The following EFL1 variants were observed in gnomAD, a reference collection of about 807,000 sequenced individuals.
EFL1 encodes elongation factor-like GTPase 1.
A neutral mutation model predicts 126.7 loss-of-function variants in EFL1; 76 were observed. That is an observed-to-expected ratio of 0.60 (90% confidence interval 0.50 to 0.73). EFL1 has a LOEUF of 0.73. Ranked by LOEUF, EFL1 falls within the 30% of genes least tolerant of loss-of-function variation. The pLI is 0.00. For missense variants in EFL1, 1,128 were observed against 1,343.2 expected, an observed-to-expected ratio of 0.84 and a Z score of 2.50; for synonymous variants, 410 against 448.4, an observed-to-expected ratio of 0.91 and a Z score of 1.08.
At chr15:82,233,016 A>C (rs1486844781) in intron 7 of EFL1, among the ~76,000 whole-genome samples, 1 of 152,186 alleles carries the variant, frequency 6.6e-6, no homozygotes, top group Non-Finnish European at 1.5e-5. Context: ...GGTAAACTTA[A>C]AGATTTTTAT....
chr15:82,211,595 G>GACACACACACACAC (rs10543301), intron 15 of EFL1, among the ~76,000 whole-genome samples: 1,634 of 105,768 alleles, frequency 0.015, 125 homozygotes, highest in African/African-American at 0.053. Flanking sequence ...ACACATACTA[G>GACACACACACACAC]ACACACACAC....
intron 11 of EFL1, 110 bp downstream of exon 11, chr15:82,227,340 T>G (rs1011455226): frequency 2.6e-6 from 4 of 1,520,398 alleles, no homozygotes; most frequent in Non-Finnish European, 3.6e-6. Flanking sequence ...AAGTGGACAT[T>G]TGGCAAATTG....
intron 7 of EFL1, among the ~76,000 whole-genome samples, chr15:82,236,320 A>G (rs1213579227): frequency 1.3e-5 from 2 of 152,246 alleles, no homozygotes; most frequent in Admixed American, 6.5e-5. Flanking sequence ...TAAGATTACT[A>G]TAAAATTTAC....
chr15:82,134,476 G>A (rs775025053), intron 19 of EFL1, among the ~76,000 whole-genome samples: 1 of 151,938 alleles, frequency 6.6e-6, no homozygotes, highest in Non-Finnish European at 1.5e-5. Context: ...CTAATCATAA[G>A]AAGGCACCCA....
chr15:82,251,251 T>G (rs1329532812), intron 4 of EFL1, among the ~76,000 whole-genome samples: 1 of 152,150 alleles, frequency 6.6e-6, no homozygotes, highest in Non-Finnish European at 1.5e-5. Context: ...CAATCTGATC[T>G]GTGAGCAGCC....
At chr15:82,171,810 T>C (rs2074138292) in intron 15 of EFL1, among the ~76,000 whole-genome samples, 2 of 152,064 alleles carry the variant, frequency 1.3e-5, no homozygotes, top group Non-Finnish European at 2.9e-5. Flanking sequence ...CTCAGCATCA[T>C]GCAATACTCT....
chr15:82,197,609 G>C (rs2074421507), intron 15 of EFL1, among the ~76,000 whole-genome samples: 1 of 151,834 alleles, frequency 6.6e-6, no homozygotes, highest in Non-Finnish European at 1.5e-5. Context: ...TTTCCAACTA[G>C]AAACAACCAA....
intron 15 of EFL1, among the ~76,000 whole-genome samples, chr15:82,189,799 C>A (rs1282717099): frequency 6.6e-6 from 1 of 152,020 alleles, no homozygotes; most frequent in Non-Finnish European, 1.5e-5. Context: ...ATCTATTTTT[C>A]ATGTTTCCAG....
rs748795027 is a variant in EFL1 at position 82,238,293 on chromosome 15, G to T, written c.731+14C>A. ...AATCTGCAAAGAGATTTAATCAGAT[G>T]CAAACAGACTTACCCAAAGCCCCAC... On this transcript the variant is annotated intron_variant, in intron 7 of 19. Coordinates refer to ENST00000268206, the MANE Select transcript of EFL1 (RefSeq NM_024580.6). 48 of 1,612,176 alleles carry T rather than the reference G, an allele frequency of 3.0e-5. No homozygotes were observed. Among genetic ancestry groups the T allele is most frequent in the African/African-American group, 2.7e-4 (20 of 74,874 alleles).
intron 9 of EFL1, 138 bp downstream of exon 9, chr15:82,228,896 C>A (rs2074792075): frequency 1.4e-6 from 1 of 697,970 alleles, no homozygotes; most frequent in Non-Finnish European, 2.3e-6. Flanking sequence ...CTTCCAAGCC[C>A]TGTAATCAAC....
chr15:82,218,844 T>C (rs2074678440), intron 14 of EFL1, among the ~76,000 whole-genome samples: 2 of 152,194 alleles, frequency 1.3e-5, no homozygotes, highest in South Asian at 4.1e-4. Context: ...GAAAAACTGA[T>C]GGCAGAGACT....
At chr15:82,176,307 G>A (rs1388415245) in intron 15 of EFL1, among the ~76,000 whole-genome samples, 3 of 152,172 alleles carry the variant, frequency 2.0e-5, no homozygotes, top group Middle Eastern at 3.4e-3. Flanking sequence ...GACACAAAAA[G>A]CGTTAGTCGT....
chr15:82,180,226 C>T (rs1665318794), intron 15 of EFL1, among the ~76,000 whole-genome samples: 1 of 152,110 alleles, frequency 6.6e-6, no homozygotes. Flanking sequence ...GCCTTACTGT[C>T]TCTCTACTCA....
chr15:82,226,194 A>C (rs1421796500), intron 11 of EFL1, among the ~76,000 whole-genome samples: 2 of 152,078 alleles, frequency 1.3e-5, no homozygotes, highest in African/African-American at 4.8e-5. Flanking sequence ...TTTCAGATGG[A>C]GTCTTGTTCC....
rs772958098 is a variant in EFL1, at chr15:82,225,733, C to A, written c.1193-469G>T. 9.9e-5 allele frequency among the ~76,000 whole-genome samples: 15 copies of A among 152,128 alleles called. 1 individual carries two copies. Among genetic ancestry groups the A allele is most frequent in the Non-Finnish European group, 1.8e-4 (12 of 68,002 alleles). On this transcript the variant is annotated intron_variant, in intron 11 of 19. Transcript: ENST00000268206. ...TTAGAAAATAAAATGGACAAAAATA[C>A]TGTATTATGATATTAACAAATTCTT...
At chr15:82,239,018 C>T (rs1245516789) in intron 6 of EFL1, among the ~76,000 whole-genome samples, 1 of 152,150 alleles carries the variant, frequency 6.6e-6, no homozygotes, top group African/African-American at 2.4e-5. Context: ...GAAAATGGAA[C>T]CTATTACTCA....
intron 18 of EFL1, among the ~76,000 whole-genome samples, chr15:82,149,134 ATGG>A (rs1157775285): frequency 2.6e-5 from 4 of 152,206 alleles, no homozygotes; most frequent in Non-Finnish European, 4.4e-5. Context: ...ATGTGTTAAG[ATGG>A]TGGTGATGTG....
Position 82,157,787 on chromosome 15 carries a change from C to T in EFL1, c.1956G>A (p.Gln652=), listed in dbSNP as rs1402876056. 1 of 1,614,094 alleles carries T rather than the reference C, an allele frequency of 6.2e-7. No individual in the cohort carries two copies. Among genetic ancestry groups the T allele is most frequent in the African/African-American group, 1.3e-5 (1 of 75,024 alleles). ...TGACTAAAACGTGCTCTCCCGTTTCCTGAATTAAAATCTGGACACAGGGAT... is the reference window on the plus strand; with the variant it reads ...TGACTAAAACGTGCTCTCCCGTTTCTTGAATTAAAATCTGGACACAGGGAT... ...QADPCVQILI[Q]ETGEHVLVTA... The change falls in exon 17 of 20, where the codon CAG becomes CAA. Residue 652 remains glutamine (Q), a synonymous_variant. Coordinates refer to ENST00000268206, the MANE Select transcript of EFL1 (RefSeq NM_024580.6).
At position 82,176,065 on chromosome 15, in the gene EFL1, A is replaced by G. The variant is rs913202455; in HGVS notation, c.1751-12081T>C. 3.9e-5 allele frequency among the ~76,000 whole-genome samples: 6 copies of G among 152,172 alleles called. No homozygotes were observed. In the East Asian group the frequency reaches 7.7e-4, roughly 20 times the overall value. ...TTGAAGATGTAAACTACACAAACTG[A>G]TATTTGGCAATGGTGACACTGCAGT... On this transcript the variant is annotated intron_variant, in intron 15 of 19. Coordinates refer to ENST00000268206, the MANE Select transcript of EFL1 (RefSeq NM_024580.6).
Sources: gnomAD v4.1 joint callset for allele counts (sites outside exome capture counted in the v4.1 genomes callset) on GRCh38, gnomAD v4.1.1 for gene constraint, MANE v1.5 for transcripts, NCBI Gene and HGNC (gene_info 2026-07-23, HGNC 2026-07-21) for gene names.